GDA: variants seen among roughly 807,000 people sequenced by gnomAD.
GDA encodes guanine deaminase.
GDA carries 18 observed loss-of-function variants against 59.6 expected under a neutral mutation model. The ratio of observed to expected loss-of-function variants is 0.30; its 90% CI spans 0.21 to 0.45. The LOEUF (loss-of-function observed/expected upper bound fraction) is 0.45, where lower values mean the gene tolerates loss of function less well. Ranked by LOEUF, GDA falls within the 20% of genes least tolerant of loss-of-function variation. The probability of loss-of-function intolerance (pLI) is 1.00; values close to 1 mark genes in which losing one functional copy is unlikely to be tolerated. For synonymous variants in GDA, 201 were observed against 201.1 expected (o/e 1.00, Z 0.00); for missense variants, 427 against 552.3 (o/e 0.77, Z 2.27).
chr9:72,129,436 C>T (rs1186993639), intron 1 of GDA, among the ~76,000 whole-genome samples: 3 of 152,204 alleles, frequency 2.0e-5, no homozygotes, highest in African/African-American at 7.2e-5. Flanking sequence ...CACTCCACCT[C>T]CAGACCCGTG....
upstream of GDA, among the ~76,000 whole-genome samples, chr9:72,147,614 CTA>C (rs973280031): frequency 1.9e-5 from 2 of 103,736 alleles, no homozygotes; most frequent in African/African-American, 5.6e-5. Flanking sequence ...AAACTAGTCT[CTA>C]TTTTTTTTTT....
At chr9:72,160,434 C>G (rs1387904673) in intron 1 of GDA, among the ~76,000 whole-genome samples, 1 of 152,244 alleles carries the variant, frequency 6.6e-6, no homozygotes, top group African/African-American at 2.4e-5. Context: ...TCTGCTTTCT[C>G]TATCCACTTG....
At chr9:72,211,476 T>C (rs1835356273) in intron 4 of GDA, among the ~76,000 whole-genome samples, 1 of 152,186 alleles carries the variant, frequency 6.6e-6, no homozygotes, top group Non-Finnish European at 1.5e-5. Context: ...CCAAAACTTG[T>C]ACCCAGCACA....
At chr9:72,143,291 G>A (rs568759366) in intron 1 of GDA, among the ~76,000 whole-genome samples, 1 of 150,914 alleles carries the variant, frequency 6.6e-6, no homozygotes, top group East Asian at 2.0e-4. Flanking sequence ...CACCATGCCC[G>A]GCTAATTTTG....
chr9:72,257,349 A>AC (rs11380364), downstream of GDA: 75,249 of 152,024 alleles, frequency 0.49, 18,827 homozygotes, highest in East Asian at 0.54. Flanking sequence ...TGTTTCTGTC[A>AC]CTGCAAATCA....
rs188295678 is a variant in GDA, at chr9:72,205,036, C to T, written c.384+2294C>T. ...CTGAGGCATGAGAATCGCCTGAACCCGGAGGAGGAGGTTGTAGTGAGCCAA... is the reference window on the plus strand; with the variant it reads ...CTGAGGCATGAGAATCGCCTGAACCTGGAGGAGGAGGTTGTAGTGAGCCAA... On this transcript the variant is annotated intron_variant, in intron 3 of 13. Coordinates refer to ENST00000358399, the MANE Select transcript of GDA (RefSeq NM_004293.5). Among the ~76,000 whole-genome samples, 5 of 141,696 alleles carry T rather than the reference C, an allele frequency of 3.5e-5. No individual in the cohort carries two copies. In the East Asian group the frequency reaches 6.3e-4, roughly 18 times the overall value. The allele number at this position is 141,696 out of a possible 152,430, so 93.0% of individuals were successfully genotyped here.
At position 72,225,664 on chromosome 9, in the gene GDA, T is replaced by G; in HGVS notation, c.715-13T>G. 1 of 1,195,296 alleles carries G rather than the reference T, an allele frequency of 8.4e-7. No individual in the cohort carries two copies. Among genetic ancestry groups the G allele is most frequent in the Non-Finnish European group, 1.2e-6 (1 of 823,836 alleles). The allele number at this position is 1,195,296 out of a possible 1,614,324, so 74.0% of individuals were successfully genotyped here. A position where few individuals can be genotyped will look rare whatever the true frequency, so the allele number is the denominator to read the frequency against. ...TACAGAAGAAAAATGAAAATATTAT[T>G]TTTTTCTTGTAGAGCCATATAAGTG... On this transcript the variant is annotated splice_polypyrimidine_tract_variant and intron_variant, in intron 7 of 13. Transcript: ENST00000358399.
chr9:72,178,770 G>A (rs1311766367), intron 1 of GDA, among the ~76,000 whole-genome samples: 2 of 152,054 alleles, frequency 1.3e-5, no homozygotes, highest in African/African-American at 4.8e-5. Flanking sequence ...TAAGCTCCTG[G>A]TCCTCGCTGT....
At chr9:72,182,743 A>G (rs944045511) in intron 1 of GDA, among the ~76,000 whole-genome samples, 5 of 152,182 alleles carry the variant, frequency 3.3e-5, no homozygotes, top group African/African-American at 1.2e-4. Context: ...TGGATGCCAA[A>G]TGCTCATTTT....
intron 1 of GDA, among the ~76,000 whole-genome samples, chr9:72,189,166 C>CTTTTTTTTTTT (rs71493640): frequency 3.6e-5 from 2 of 54,940 alleles, no homozygotes; most frequent in East Asian, 2.9e-4. Context: ...AGACTCTAGA[C>CTTTTTTTTTTT]TTTTTTTTTT....
rs546231713 is a variant in GDA, at chr9:72,189,286, T to A, written c.124-6214T>A. Among the ~76,000 whole-genome samples the A allele has an allele frequency of 8.8e-5, 13 of 148,568 alleles. No individual in the cohort carries two copies. The East Asian group carries it at 2.4e-3, about 27-fold the overall frequency. Reference sequence around the variant, plus strand: ...GCCTTGACCTCCCAGGCTTAAGTGATCCTCCCACCTTAGCCTCCTGAATAG... The same window carrying A: ...GCCTTGACCTCCCAGGCTTAAGTGAACCTCCCACCTTAGCCTCCTGAATAG... On this transcript the variant is annotated intron_variant, in intron 1 of 13. Coordinates refer to ENST00000358399, the MANE Select transcript of GDA (RefSeq NM_004293.5).
intron 1 of GDA, among the ~76,000 whole-genome samples, chr9:72,126,933 T>C (rs1430526059): frequency 1.3e-5 from 2 of 152,050 alleles, no homozygotes; most frequent in Admixed American, 6.6e-5. Context: ...TCTGAGAGTA[T>C]CTGGTGCCAT....
chr9:72,151,493 G>T (rs1827189248), intron 1 of GDA, among the ~76,000 whole-genome samples: 1 of 151,898 alleles, frequency 6.6e-6, no homozygotes, highest in South Asian at 2.1e-4. Flanking sequence ...TAGAGTTGCT[G>T]GGATAAATAT....
At chr9:72,195,436 T>TA in intron 1 of GDA, 64 bp from the exon 2 acceptor site, 1 of 579,578 alleles carries the variant, frequency 1.7e-6, no homozygotes, top group South Asian at 2.3e-5. Flanking sequence ...ACATATTTAA[T>TA]AAAAAACAAA....
intron 1 of GDA, among the ~76,000 whole-genome samples, chr9:72,169,020 T>G (rs1829653841): frequency 6.6e-6 from 1 of 152,230 alleles, no homozygotes; most frequent in African/African-American, 2.4e-5. Context: ...TTGTTGTTTG[T>G]TTTTGCTTTT....
At chr9:72,237,313 G>A (rs1839122366) in intron 10 of GDA, among the ~76,000 whole-genome samples, 2 of 152,144 alleles carry the variant, frequency 1.3e-5, no homozygotes, top group African/African-American at 4.8e-5. Flanking sequence ...AACTCCAAAG[G>A]ATGCCATTCT....
chr9:72,224,055 A>G (rs989180777), intron 7 of GDA, among the ~76,000 whole-genome samples: 1 of 152,248 alleles, frequency 6.6e-6, no homozygotes, highest in Non-Finnish European at 1.5e-5. Context: ...TTTTTAATTC[A>G]GTCCCACACA....
At chr9:72,118,981 T>A (rs1825566462) in intron 1 of GDA, among the ~76,000 whole-genome samples, 1 of 152,170 alleles carries the variant, frequency 6.6e-6, no homozygotes. Flanking sequence ...TTTACATATT[T>A]ATTGAATGGT....
chr9:72,116,526 G>T (rs12349315), intron 1 of GDA, among the ~76,000 whole-genome samples: 17,816 of 151,462 alleles, frequency 0.12, 2,163 homozygotes, highest in African/African-American at 0.31. Context: ...AGGACTACAG[G>T]TGTGCGCCAC....
Sources: gnomAD v4.1 joint callset for allele counts (sites outside exome capture counted in the v4.1 genomes callset) on GRCh38, gnomAD v4.1.1 for gene constraint, MANE v1.5 for transcripts, NCBI Gene and HGNC (gene_info 2026-07-23, HGNC 2026-07-21) for gene names.